ATP11B: variants seen among roughly 807,000 people sequenced by gnomAD.
ATP11B encodes ATPase phospholipid transporting 11B (putative), also known as phospholipid-transporting ATPase IF.
In ATP11B, 81 loss-of-function variants were observed where a neutral mutation model predicts 157.8. The observed-to-expected ratio is 0.51, with a 90% CI of 0.43 to 0.62. The LOEUF is 0.62. ATP11B is among the 20% of genes least tolerant of loss of function. The pLI, the probability that ATP11B is intolerant of heterozygous loss-of-function variation, is 0.00. For synonymous variants in ATP11B, 451 were observed against 469.4 expected (o/e 0.96, Z 0.51); for missense variants, 1,165 against 1,402.2 (o/e 0.83, Z 2.70).
intron 10 of ATP11B, among the ~76,000 whole-genome samples, chr3:182,854,771 ACACACACACACACACACAC>A (rs1720248571): frequency 3.7e-5 from 1 of 26,720 alleles, no homozygotes; most frequent in Non-Finnish European, 2.3e-4. Flanking sequence ...ACACACACAC[ACACACACACACACACACAC>A]ACACACACAC....
rs755245608 is a variant in ATP11B, at chr3:182,858,073, T to G, written c.1002+45T>G. The G allele has an allele frequency of 1.9e-6, 3 of 1,539,128 alleles. No individual in the cohort carries two copies. The East Asian group carries it at 6.8e-5, about 35-fold the overall frequency. On this transcript the variant is annotated intron_variant, in intron 11 of 29. Transcript: ENST00000323116. ...ACTGTGTCATAAAGGAAACTATTAC[T>G]TGGCACGATTAGTGCTTTGGTAGTG...
chr3:182,826,598 T>G lies in ATP11B; in HGVS notation c.145-1522T>G, dbSNP rs145931129. 6.3e-3 allele frequency among the ~76,000 whole-genome samples: 956 copies of G among 152,300 alleles called. 5 individuals carry two copies. Among genetic ancestry groups the G allele is most frequent in the Middle Eastern group, 0.01 (3 of 294 alleles). ...TCTACCTCTCTTCTTTCTAGAGCCC[T>G]AAACATACTTCCCATCCTCAGATTC... On this transcript the variant is annotated intron_variant, in intron 2 of 29. Coordinates refer to ENST00000323116, the MANE Select transcript of ATP11B (RefSeq NM_014616.3).
chr3:182,915,750 C>A lies in ATP11B; in HGVS notation c.3452+1756C>A, dbSNP rs532274656. ...ACATAGCCATTTTGATGCAGCATTACCTCTTTTGAACCTGCCCCAGGAGTT... is the reference window on the plus strand; with the variant it reads ...ACATAGCCATTTTGATGCAGCATTAACTCTTTTGAACCTGCCCCAGGAGTT... On this transcript the variant is annotated intron_variant, in intron 29 of 29. Coordinates refer to ENST00000323116, the MANE Select transcript of ATP11B (RefSeq NM_014616.3). 2.3e-4 allele frequency: 222 copies of A among 985,190 alleles called. 1 individual carries two copies. In the South Asian group the frequency reaches 3.1e-3, roughly 14 times the overall value. The allele number at this position is 985,190 out of a possible 1,614,324, so 61.0% of individuals were successfully genotyped here. A position where few individuals can be genotyped will look rare whatever the true frequency, so the allele number is the denominator to read the frequency against.
intron 12 of ATP11B, among the ~76,000 whole-genome samples, chr3:182,864,946 T>C (rs1351442292): frequency 6.6e-6 from 1 of 152,176 alleles, no homozygotes; most frequent in Non-Finnish European, 1.5e-5. Flanking sequence ...CTAAATTTGT[T>C]TTCTGTCCTC....
chr3:182,844,458 T>G, intron 8 of ATP11B: 1 of 631,464 alleles, frequency 1.6e-6, no homozygotes, highest in Non-Finnish European at 2.0e-6. Flanking sequence ...GCTTTTTAAC[T>G]TTTCCATAGA....
rs755087824 is a variant in ATP11B, at chr3:182,887,572, A to G, written c.2716-14A>G. 3.1e-6 allele frequency: 5 copies of G among 1,600,024 alleles called. No individual in the cohort carries two copies. The highest frequency in any genetic ancestry group is 1.8e-5 in the Admixed American group (1 of 56,714). On this transcript the variant is annotated splice_polypyrimidine_tract_variant and intron_variant, in intron 23 of 29. Transcript: ENST00000323116. ...ATTCAGAAACTCAACATTCCTACCA[A>G]TTTCTCTTTCTAGACATTGTATGAC...
chr3:182,864,424 C>G, intron 12 of ATP11B, among the ~76,000 whole-genome samples: 1 of 151,994 alleles, frequency 6.6e-6, no homozygotes, highest in Non-Finnish European at 1.5e-5. Context: ...GAGGAAGTTC[C>G]TTTTTATTCC....
chr3:182,833,386 T>C (rs1270734510), intron 4 of ATP11B, among the ~76,000 whole-genome samples: 1 of 152,176 alleles, frequency 6.6e-6, no homozygotes, highest in Non-Finnish European at 1.5e-5. Flanking sequence ...AGAGCAGTAG[T>C]GCAATCAGAG....
chr3:182,917,565 TTAGAA>T lies in ATP11B; in HGVS notation c.3453-454_3453-450del, dbSNP rs1327460047. On this transcript the variant is annotated intron_variant, in intron 29 of 29. Coordinates refer to ENST00000323116, the MANE Select transcript of ATP11B (RefSeq NM_014616.3). The stretch of plus-strand genomic sequence containing the variant: ...ATTCAAGCTAATTATGCGGAAGTCT[TTAGAA>T]TAGGATTTATAGCTGAAATGAAATG... The T allele has an allele frequency of 8.1e-6, 8 of 985,312 alleles. No homozygotes were observed. In the South Asian group the frequency reaches 1.9e-4, roughly 23 times the overall value. The allele number at this position is 985,312 out of a possible 1,614,324, so 61.0% of individuals were successfully genotyped here.
intron 25 of ATP11B, among the ~76,000 whole-genome samples, chr3:182,892,043 A>G (rs1723209513): frequency 6.6e-6 from 1 of 152,212 alleles, no homozygotes; most frequent in African/African-American, 2.4e-5. Context: ...ATATTGGAAG[A>G]TCATGTCCTA....
intron 28 of ATP11B, chr3:182,908,641 A>C (rs1724557351): frequency 6.6e-6 from 1 of 152,218 alleles, no homozygotes; most frequent in Non-Finnish European, 1.5e-5. Flanking sequence ...TAGAAGAGTG[A>C]ATATGAGCTT....
intron 1 of ATP11B, among the ~76,000 whole-genome samples, chr3:182,805,294 G>C (rs1470578848): frequency 6.6e-6 from 1 of 152,026 alleles, no homozygotes; most frequent in African/African-American, 2.4e-5. Flanking sequence ...ACTTACTTTT[G>C]TCTGTCTTTT....
rs1208179993 is a variant in ATP11B at position 182,887,732 on chromosome 3, T to G, written c.2843+19T>G. The G allele has an allele frequency of 3.7e-6, 6 of 1,602,782 alleles. No homozygotes were observed. Among genetic ancestry groups the G allele is most frequent in the South Asian group, 2.3e-5 (2 of 88,058 alleles). On this transcript the variant is annotated intron_variant, in intron 24 of 29. Coordinates refer to ENST00000323116, the MANE Select transcript of ATP11B (RefSeq NM_014616.3). ...TTTATCGGTAAGTATTTTCTGGTATTAAATGGCCTTATCAGTTTTTTTAAG... is the reference window on the plus strand; with the variant it reads ...TTTATCGGTAAGTATTTTCTGGTATGAAATGGCCTTATCAGTTTTTTTAAG...
At chr3:182,859,757 A>T (rs2315349) in intron 12 of ATP11B, among the ~76,000 whole-genome samples, 1 of 152,038 alleles carries the variant, frequency 6.6e-6, no homozygotes, top group East Asian at 1.9e-4. Context: ...GGTTCTATAG[A>T]TGTGTCCTGT....
intron 7 of ATP11B, among the ~76,000 whole-genome samples, chr3:182,838,411 T>C (rs1718728733): frequency 6.6e-6 from 1 of 151,976 alleles, no homozygotes; most frequent in Non-Finnish European, 1.5e-5. Flanking sequence ...ACTAATGCTT[T>C]GGTGTATGGT....
chr3:182,850,698 C>T (rs1000561985), intron 10 of ATP11B, among the ~76,000 whole-genome samples: 1 of 151,978 alleles, frequency 6.6e-6, no homozygotes, highest in Admixed American at 6.6e-5. Flanking sequence ...AAACTAAAAA[C>T]GTAATTACCA....
Position 182,918,026 on chromosome 3 carries a change from A to C in ATP11B, c.3456A>C (p.Ser1152=). 1.2e-6 allele frequency: 2 copies of C among 1,613,042 alleles called. No individual in the cohort carries two copies. Among genetic ancestry groups the C allele is most frequent in the Non-Finnish European group, 1.7e-6 (2 of 1,179,342 alleles). Reference sequence around the variant, plus strand: ...TTTTCTCTTATTGTTACTTTAGATCATGGAGTGCATCGGATCCTTTCTATA... The same window carrying C: ...TTTTCTCTTATTGTTACTTTAGATCCTGGAGTGCATCGGATCCTTTCTATA... The part of the protein sequence containing the change: ...GRCSPTHISR[S]WSASDPFYTN... Residue 1152 remains serine, a synonymous_variant, in exon 30 of 30, where the codon TCA becomes TCC. Coordinates refer to ENST00000323116, the MANE Select transcript of ATP11B (RefSeq NM_014616.3).
chr3:182,845,209 G>A (rs1719414597), intron 8 of ATP11B, among the ~76,000 whole-genome samples: 2 of 151,942 alleles, frequency 1.3e-5, no homozygotes. Context: ...GTTTCACCAT[G>A]TTGCCCAGGC....
At chr3:182,819,686 C>T (rs1329445268) in intron 1 of ATP11B, among the ~76,000 whole-genome samples, 1 of 152,138 alleles carries the variant, frequency 6.6e-6, no homozygotes, top group Non-Finnish European at 1.5e-5. Flanking sequence ...CAAGACCCTA[C>T]CTAATGCACT....
Sources: allele counts gnomAD v4.1 joint callset (sites outside exome capture counted in the v4.1 genomes callset), GRCh38; gene constraint gnomAD v4.1.1; transcripts MANE v1.5; gene names NCBI Gene and HGNC (gene_info 2026-07-23, HGNC 2026-07-21).